MYO3A: variants seen among roughly 807,000 people sequenced by gnomAD.
The protein encoded by MYO3A is myosin-IIIa.
Under a neutral mutation model 192.7 loss-of-function variants are expected in MYO3A, and 180 were observed. That is an observed-to-expected ratio of 0.93 (90% CI 0.83 to 1.06). The LOEUF is 1.06. MYO3A is among the 50% of genes least tolerant of loss of function. MYO3A has a pLI of 0.00. For missense variants in MYO3A, 1,896 were observed against 1,905.0 expected (o/e 1.00, Z 0.09); for synonymous variants, 628 against 645.3 (o/e 0.97, Z 0.41).
chr10:26,193,601 G>A (rs564347779), intron 32 of MYO3A, among the ~76,000 whole-genome samples: 113 of 152,186 alleles, frequency 7.4e-4, no homozygotes, highest in Non-Finnish European at 1.3e-3. Flanking sequence ...AACTCAGAAA[G>A]AGAAACCCAT....
At chr10:26,154,690 T>C in intron 24 of MYO3A, 56 bp from the exon 25 acceptor site, 1 of 1,505,764 alleles carries the variant, frequency 6.6e-7, no homozygotes, top group Non-Finnish European at 9.2e-7. Flanking sequence ...ATGCTGTCTG[T>C]AGATAATAAA....
intron 2 of MYO3A, among the ~76,000 whole-genome samples, chr10:25,948,310 C>T (rs909125255): frequency 7.2e-5 from 11 of 151,948 alleles, no homozygotes; most frequent in African/African-American, 2.4e-4. Flanking sequence ...CCTGAAGATA[C>T]GTTTTTCATT....
Position 26,212,099 on chromosome 10 carries a change from G to T in MYO3A, c.*136G>T. On this transcript the variant is annotated 3_prime_UTR_variant, in exon 35 of 35. Coordinates refer to ENST00000642920, the MANE Select transcript of MYO3A (RefSeq NM_017433.5). ...GATCTCCGCAGAGGCTGCCTGCTGC[G>T]CTCGGCCCTCAAGTGCCCGGGCCGG... is the stretch of plus-strand genomic sequence containing the variant. 11 of 1,331,540 alleles carry T rather than the reference G, an allele frequency of 8.3e-6. No homozygotes were observed. Among genetic ancestry groups the T allele is most frequent in the Non-Finnish European group, 9.0e-6 (9 of 997,412 alleles). 82.5% of individuals were successfully genotyped at this position (1,331,540 alleles called of 1,614,324 possible).
At chr10:26,176,624 T>C (rs1173033720) in intron 30 of MYO3A, 77 bp from the exon 31 acceptor site, 7 of 1,380,618 alleles carry the variant, frequency 5.1e-6, no homozygotes, top group Non-Finnish European at 7.1e-6. Flanking sequence ...TGGTAAGGCG[T>C]TTCCCAGCCC....
intron 7 of MYO3A, among the ~76,000 whole-genome samples, chr10:26,021,043 G>A (rs1842273862): frequency 6.6e-6 from 1 of 152,106 alleles, no homozygotes; most frequent in African/African-American, 2.4e-5. Flanking sequence ...GTTGCCAGTA[G>A]AGACCAAGGC....
At position 26,203,699 on chromosome 10, in the gene MYO3A, T is replaced by C. The variant is rs1843780497; in HGVS notation, c.4730+592T>C. On this transcript the variant is annotated intron_variant, in intron 34 of 34. Transcript: ENST00000642920. The stretch of plus-strand genomic sequence containing the variant: ...TGTGGCATTTTGAGATCTGGGTACA[T>C]AATAAAACAAACATGACATATGAAA... 2.0e-5 allele frequency among the ~76,000 whole-genome samples: 3 copies of C among 152,148 alleles called. No homozygotes were observed. In the South Asian group the frequency reaches 6.2e-4, roughly 32 times the overall value.
intron 10 of MYO3A, among the ~76,000 whole-genome samples, chr10:26,037,687 A>G (rs3897758): frequency 0.1 from 15,219 of 152,188 alleles, 845 homozygotes; most frequent in Non-Finnish European, 0.12. Flanking sequence ...TATGAAGTAA[A>G]GAGGTTTAAT....
At chr10:25,946,949 G>A (rs1434747728) in intron 2 of MYO3A, among the ~76,000 whole-genome samples, 1 of 147,668 alleles carries the variant, frequency 6.8e-6, no homozygotes, top group Non-Finnish European at 1.5e-5. Context: ...ATTTCTAGAT[G>A]CATGTCTTTC....
intron 10 of MYO3A, among the ~76,000 whole-genome samples, chr10:26,060,499 A>T (rs1834399306): frequency 6.6e-6 from 1 of 152,092 alleles, no homozygotes; most frequent in African/African-American, 2.4e-5. Flanking sequence ...AAAGACAGTG[A>T]TACAAGAATA....
At chr10:26,150,582 A>G (rs1470173893) in intron 23 of MYO3A, among the ~76,000 whole-genome samples, 1 of 152,218 alleles carries the variant, frequency 6.6e-6, no homozygotes, top group Non-Finnish European at 1.5e-5. Flanking sequence ...TATTTCATCT[A>G]CATAGTCAAA....
chr10:26,037,177 A>G (rs1843081440), intron 10 of MYO3A, among the ~76,000 whole-genome samples: 1 of 152,232 alleles, frequency 6.6e-6, no homozygotes, highest in Non-Finnish European at 1.5e-5. Flanking sequence ...CACCTGTACA[A>G]TGTTAGCAGT....
At chr10:26,044,925 G>A (rs1472410561) in intron 10 of MYO3A, among the ~76,000 whole-genome samples, 1 of 152,214 alleles carries the variant, frequency 6.6e-6, no homozygotes, top group African/African-American at 2.4e-5. Context: ...TGGGTGAATG[G>A]AGCTGCAGAA....
chr10:26,073,219 G>A (rs781104397), intron 14 of MYO3A, among the ~76,000 whole-genome samples: 2 of 152,060 alleles, frequency 1.3e-5, no homozygotes, highest in African/African-American at 2.4e-5. Context: ...ACAAGACCCT[G>A]TCTCAAAAAA....
chr10:26,160,893 G>A (rs1448830526), intron 26 of MYO3A, among the ~76,000 whole-genome samples: 2 of 152,118 alleles, frequency 1.3e-5, no homozygotes, highest in Non-Finnish European at 2.9e-5. Context: ...CTTATAGCTT[G>A]AAAAATAACC....
intron 14 of MYO3A, among the ~76,000 whole-genome samples, chr10:26,074,102 T>C (rs1835382180): frequency 6.6e-6 from 1 of 152,204 alleles, no homozygotes; most frequent in Admixed American, 6.5e-5. Context: ...AAAAACTGTT[T>C]ACAATTTATG....
intron 20 of MYO3A, among the ~76,000 whole-genome samples, chr10:26,137,485 T>A (rs1315893418): frequency 2.6e-5 from 4 of 152,210 alleles, no homozygotes; most frequent in African/African-American, 9.7e-5. Flanking sequence ...ACTGTAATAA[T>A]TGTGTTGACT....
chr10:26,072,598 C>CT (rs747768679), intron 14 of MYO3A, among the ~76,000 whole-genome samples: 80 of 151,626 alleles, frequency 5.3e-4, no homozygotes, highest in Non-Finnish European at 6.8e-4. Context: ...TTCTTTGATA[C>CT]TTTTTTTGAG....
chr10:26,057,726 A>G (rs1334742074), intron 10 of MYO3A, among the ~76,000 whole-genome samples: 2 of 152,226 alleles, frequency 1.3e-5, no homozygotes, highest in Non-Finnish European at 2.9e-5. Flanking sequence ...GTCAATGGCT[A>G]ATTGGATCTA....
chr10:26,031,772 A>T (rs1169177547), intron 10 of MYO3A, among the ~76,000 whole-genome samples: 2 of 152,224 alleles, frequency 1.3e-5, no homozygotes, highest in Non-Finnish European at 2.9e-5. Flanking sequence ...AGCTGAGCTT[A>T]CTTGCACAAG....
Sources: allele counts gnomAD v4.1 joint callset (sites outside exome capture counted in the v4.1 genomes callset), GRCh38; gene constraint gnomAD v4.1.1; transcripts MANE v1.5; gene names NCBI Gene and HGNC (gene_info 2026-07-23, HGNC 2026-07-21).